TMEM178A: variants seen among roughly 807,000 people sequenced by gnomAD.
The protein encoded by TMEM178A is transmembrane protein 178.
TMEM178A carries 12 observed loss-of-function variants against 29.1 expected under a neutral mutation model. The ratio of observed to expected loss-of-function variants is 0.41; its 90% CI spans 0.26 to 0.67. The LOEUF (loss-of-function observed/expected upper bound fraction) is 0.67, where lower values mean the gene tolerates loss of function less well. Ranked by LOEUF, TMEM178A falls within the 30% of genes least tolerant of loss-of-function variation. The pLI is 0.29. For synonymous variants in TMEM178A, 210 were observed against 187.2 expected, an observed-to-expected ratio of 1.12 and a Z score of -0.99; for missense variants, 366 against 419.1, an observed-to-expected ratio of 0.87 and a Z score of 1.11.
rs140908646 is a variant in TMEM178A at position 39,672,701 on chromosome 2, A to G, written c.400+6327A>G. Among the ~76,000 whole-genome samples, 1,305 of 148,690 alleles carry G rather than the reference A, an allele frequency of 8.8e-3. 15 individuals carry two copies. The highest frequency in any genetic ancestry group is 0.036 in the South Asian group (167 of 4,622). On this transcript the variant is annotated intron_variant, in intron 1 of 3. Transcript: ENST00000281961. ...GTGTGCTAGCACACCTGGCTGATTT[A>G]AAAAAAAAACAACTTTGTAGAGATG...
chr2:39,689,785 C>A (rs1422469984), intron 1 of TMEM178A, among the ~76,000 whole-genome samples: 1 of 152,148 alleles, frequency 6.6e-6, no homozygotes, highest in Non-Finnish European at 1.5e-5. Context: ...TTGATTTTGA[C>A]AATTATCCAT....
chr2:39,698,368 G>A (rs1671641815), intron 1 of TMEM178A, among the ~76,000 whole-genome samples: 3 of 152,192 alleles, frequency 2.0e-5, no homozygotes, highest in Admixed American at 1.3e-4. Context: ...TTGTTGATGA[G>A]TAGCAAATGG....
intron 3 of TMEM178A, among the ~76,000 whole-genome samples, chr2:39,710,622 T>G (rs758076950): frequency 1.3e-5 from 2 of 151,844 alleles, no homozygotes; most frequent in Admixed American, 1.3e-4. Context: ...TTGCAAACAC[T>G]GAGACAACCA....
intron 3 of TMEM178A, 141 bp from the exon 4 acceptor site, chr2:39,716,869 A>G: frequency 9.2e-7 from 1 of 1,086,352 alleles, no homozygotes; most frequent in Non-Finnish European, 1.3e-6. Context: ...AATTAATTCA[A>G]GTAAAATAAT....
At chr2:39,672,951 G>A (rs1670466891) in intron 1 of TMEM178A, among the ~76,000 whole-genome samples, 1 of 152,178 alleles carries the variant, frequency 6.6e-6, no homozygotes. Flanking sequence ...CAGGGGATGG[G>A]AACATTGAAG....
chr2:39,701,408 C>A (rs967773047), intron 1 of TMEM178A, among the ~76,000 whole-genome samples: 2 of 152,090 alleles, frequency 1.3e-5, no homozygotes, highest in African/African-American at 4.8e-5. Flanking sequence ...GATGAGAAAT[C>A]AGCTGGTAAT....
At chr2:39,692,885 A>C (rs940097992) in intron 1 of TMEM178A, among the ~76,000 whole-genome samples, 1 of 152,186 alleles carries the variant, frequency 6.6e-6, no homozygotes, top group Non-Finnish European at 1.5e-5. Context: ...TCTTACATAC[A>C]CACATTTAAG....
intron 1 of TMEM178A, among the ~76,000 whole-genome samples, chr2:39,678,194 G>T (rs1487859595): frequency 6.6e-6 from 1 of 152,056 alleles, no homozygotes; most frequent in African/African-American, 2.4e-5. Context: ...GTTAAACATA[G>T]AAGAACCAAA....
chr2:39,717,340 C>T lies in TMEM178A; in HGVS notation c.*89C>T. ...AGTCCAAGCACAAAGCGGTCTTTTA[C>T]ATTCCAACCTGTTGCCTGCCAGCCC... is the stretch of plus-strand genomic sequence containing the variant. On this transcript the variant is annotated 3_prime_UTR_variant, in exon 4 of 4. Coordinates refer to ENST00000281961, the MANE Select transcript of TMEM178A (RefSeq NM_152390.3). 1 of 1,501,558 alleles carries T rather than the reference C, an allele frequency of 6.7e-7. No homozygotes were observed. Among genetic ancestry groups the T allele is most frequent in the Non-Finnish European group, 8.9e-7 (1 of 1,123,420 alleles). 93.0% of individuals were successfully genotyped at this position (1,501,558 alleles called of 1,614,324 possible). A position where few individuals can be genotyped will look rare whatever the true frequency, so the allele number is the denominator to read the frequency against.
At chr2:39,712,662 CCTCTCTCT>C (rs61349730) in intron 3 of TMEM178A, among the ~76,000 whole-genome samples, 11 of 148,474 alleles carry the variant, frequency 7.4e-5, no homozygotes, top group African/African-American at 2.7e-4. Flanking sequence ...GACTCAGGAA[CCTCTCTCT>C]CTCTCTCTCT....
Position 39,666,283 on chromosome 2 carries a change from C to T in TMEM178A, c.309C>T (p.Cys103=), listed in dbSNP as rs779936684. Residue 103 remains cysteine, a synonymous_variant, in exon 1 of 4, where the codon TGC becomes TGT. Transcript: ENST00000281961. ...LLGLGGLDAE[C]GRPLFATYSG... ...GGCTCGGCGGGCTGGACGCCGAGTG[C>T]GGCCGGCCCCTCTTCGCCACCTACT... 20 of 1,404,038 alleles carry T rather than the reference C, an allele frequency of 1.4e-5. No homozygotes were observed. Among genetic ancestry groups the T allele is most frequent in the Middle Eastern group, 1.9e-4 (1 of 5,328 alleles). The allele number at this position is 1,404,038 out of a possible 1,614,324, so 87.0% of individuals were successfully genotyped here. A position where few individuals can be genotyped will look rare whatever the true frequency, so the allele number is the denominator to read the frequency against.
At chr2:39,679,769 G>A (rs770753640) in intron 1 of TMEM178A, among the ~76,000 whole-genome samples, 11 of 152,048 alleles carry the variant, frequency 7.2e-5, no homozygotes, top group Non-Finnish European at 1.3e-4. Context: ...CCAGTAAAAC[G>A]GTTGCAATTC....
In TMEM178A at chr2:39,712,041, T is replaced by TTGTGTGTGTGTGTGTGTGTGTG. The variant is rs61303746; in HGVS notation, c.652+4871_652+4892dup. 1.3e-3 allele frequency among the ~76,000 whole-genome samples: 176 copies of TTGTGTGTGTGTGTGTGTGTGTG among 139,342 alleles called. 3 individuals carry two copies. Among genetic ancestry groups the TTGTGTGTGTGTGTGTGTGTGTG allele is most frequent in the Non-Finnish European group, 1.4e-3 (89 of 64,916 alleles). The allele number at this position is 139,342 out of a possible 152,430, so 91.4% of individuals were successfully genotyped here. A position where few individuals can be genotyped will look rare whatever the true frequency, so the allele number is the denominator to read the frequency against. ...GCTTTTGGGATTTAGGAATTGCATT[T>TTGTGTGTGTGTGTGTGTGTGTG]TGTGTGTGTGTGTGTGTGTGTGTGT... On this transcript the variant is annotated intron_variant, in intron 3 of 3. Transcript: ENST00000281961.
chr2:39,685,992 C>G (rs1303677815), intron 1 of TMEM178A, among the ~76,000 whole-genome samples: 3 of 152,202 alleles, frequency 2.0e-5, no homozygotes, highest in African/African-American at 7.2e-5. Flanking sequence ...CATCCAGAAG[C>G]AGGGAGCGCT....
At chr2:39,690,735 T>C (rs867656841) in intron 1 of TMEM178A, among the ~76,000 whole-genome samples, 8 of 152,204 alleles carry the variant, frequency 5.3e-5, no homozygotes, top group African/African-American at 1.7e-4. Flanking sequence ...TCCCAGTAGC[T>C]GGCCCCAAAG....
chr2:39,682,580 C>T (rs1272324115), intron 1 of TMEM178A, among the ~76,000 whole-genome samples: 4 of 151,928 alleles, frequency 2.6e-5, no homozygotes, highest in Admixed American at 2.0e-4. Flanking sequence ...GCAAATAGTT[C>T]CCAGGTGAGG....
chr2:39,708,593 A>G (rs1672154499), intron 3 of TMEM178A, among the ~76,000 whole-genome samples: 1 of 150,162 alleles, frequency 6.7e-6, no homozygotes, highest in Non-Finnish European at 1.5e-5. Context: ...TAATTTTTGT[A>G]TTTTTAGTAG....
intron 1 of TMEM178A, among the ~76,000 whole-genome samples, chr2:39,676,972 C>G (rs896813160): frequency 6.6e-6 from 1 of 152,128 alleles, no homozygotes; most frequent in Non-Finnish European, 1.5e-5. Flanking sequence ...ATGGTTGGTT[C>G]TAAGGAGGCT....
chr2:39,701,358 G>A (rs886385234), intron 1 of TMEM178A, among the ~76,000 whole-genome samples: 1 of 152,008 alleles, frequency 6.6e-6, no homozygotes, highest in Non-Finnish European at 1.5e-5. Context: ...TCTGTGTTTT[G>A]AATGTGTCAT....
Sources: allele counts gnomAD v4.1 joint callset (sites outside exome capture counted in the v4.1 genomes callset), GRCh38; gene constraint gnomAD v4.1.1; transcripts MANE v1.5; gene names NCBI Gene and HGNC (gene_info 2026-07-23, HGNC 2026-07-21).